Variants in ZHX2 observed in about 807,000 individuals in gnomAD.
ZHX2 encodes the protein zinc fingers and homeoboxes protein 2.
Under a neutral mutation model 21.9 loss-of-function variants are expected in ZHX2, and 6 were observed. That is an observed-to-expected ratio of 0.27 (90% CI 0.15 to 0.54). ZHX2 has a LOEUF of 0.54. ZHX2 is among the 20% of genes least tolerant of loss of function. The pLI, the probability that ZHX2 is intolerant of heterozygous loss-of-function variation, is 0.95. For missense variants in ZHX2, 908 were observed against 1,090.7 expected (o/e 0.83, Z 2.36); for synonymous variants, 434 against 437.1 (o/e 0.99, Z 0.09).
intron 2 of ZHX2, among the ~76,000 whole-genome samples, chr8:122,900,170 G>A (rs1308673569): frequency 6.6e-6 from 1 of 152,176 alleles, no homozygotes; most frequent in Non-Finnish European, 1.5e-5. Flanking sequence ...AGTATCTGAG[G>A]TTAGGTAATT....
intron 2 of ZHX2, among the ~76,000 whole-genome samples, chr8:122,910,860 G>T (rs4546668): frequency 0.36 from 54,672 of 151,920 alleles, 11,282 homozygotes; most frequent in South Asian, 0.53. Flanking sequence ...CACTTACGAA[G>T]CACAAATTCA....
chr8:122,964,496 T>C (rs1813530904), intron 3 of ZHX2, among the ~76,000 whole-genome samples: 1 of 152,210 alleles, frequency 6.6e-6, no homozygotes, highest in Admixed American at 6.5e-5. Context: ...TAAAACCCGC[T>C]TGATCATGGT....
Position 122,782,587 on chromosome 8 carries a change from G to A in ZHX2, c.-283+641G>A, listed in dbSNP as rs1428053108. Among the ~76,000 whole-genome samples the A allele has an allele frequency of 6.6e-6, 1 of 152,168 alleles. No homozygotes were observed. The highest frequency in any genetic ancestry group is 2.4e-5 in the African/African-American group (1 of 41,452). ...GGCAGGAAGCATGACGCCGTGGGCC[G>A]AGGCTGCCTCTGCTCTCGTCGCTCC... On this transcript the variant is annotated intron_variant, in intron 1 of 3. Transcript: ENST00000314393. This position sits in a 1 kb window ranked among gnomAD's most constrained non-coding sequence, Gnocchi z 5.3.
At chr8:122,886,531 G>A (rs1819846064) in intron 2 of ZHX2, among the ~76,000 whole-genome samples, 2 of 152,220 alleles carry the variant, frequency 1.3e-5, no homozygotes, top group Non-Finnish European at 2.9e-5. Context: ...ACCCCACCAT[G>A]CCGGATATTC....
At chr8:122,809,576 C>G (rs1817885478) in intron 1 of ZHX2, among the ~76,000 whole-genome samples, 1 of 152,104 alleles carries the variant, frequency 6.6e-6, no homozygotes, top group South Asian at 2.1e-4. Context: ...GGAAAGAAAA[C>G]TCACTTCTGC....
chr8:122,877,959 G>A (rs1819609715), intron 2 of ZHX2, among the ~76,000 whole-genome samples: 1 of 152,100 alleles, frequency 6.6e-6, no homozygotes, highest in Non-Finnish European at 1.5e-5. Flanking sequence ...AAAATAAATA[G>A]ATTGGAAGAG....
At chr8:122,902,507 A>C (rs189606680) in intron 2 of ZHX2, among the ~76,000 whole-genome samples, 11 of 152,368 alleles carry the variant, frequency 7.2e-5, no homozygotes, top group African/African-American at 2.4e-4. Context: ...ATTTATATAC[A>C]TAAGGACCTG....
At chr8:122,827,968 G>T (rs1321464735) in intron 1 of ZHX2, among the ~76,000 whole-genome samples, 1 of 152,142 alleles carries the variant, frequency 6.6e-6, no homozygotes, top group East Asian at 1.9e-4. Context: ...TTAAAAATTA[G>T]TTGGACATGT....
chr8:122,957,929 A>C (rs974205697), intron 3 of ZHX2, among the ~76,000 whole-genome samples: 4 of 152,268 alleles, frequency 2.6e-5, no homozygotes, highest in Admixed American at 1.3e-4. Context: ...CATGAACCAA[A>C]CACATGAGTC....
chr8:122,871,375 G>A (rs1009317869), intron 2 of ZHX2, among the ~76,000 whole-genome samples: 1 of 151,870 alleles, frequency 6.6e-6, no homozygotes, highest in South Asian at 2.1e-4. Context: ...CATGTCCTTT[G>A]TAGGGACATG....
In ZHX2 at chr8:122,782,133, G is replaced by T. The variant is rs957185050; in HGVS notation, c.-283+187G>T. On this transcript the variant is annotated intron_variant, in intron 1 of 3. Transcript: ENST00000314393. The surrounding 1 kb of genome is among the most constrained non-coding windows in gnomAD (Gnocchi z 5.3). ...TGGAAGGGGGGTACGGAAGGGGGGG[G>T]GTGTGCAGGCTCTTTTTGCGGGTGG... Among the ~76,000 whole-genome samples the T allele has an allele frequency of 2.7e-5, 4 of 149,212 alleles. No homozygotes were observed. The highest frequency in any genetic ancestry group is 6.7e-5 in the Admixed American group (1 of 15,036).
chr8:122,969,058 G>T (rs1223463156), intron 3 of ZHX2, among the ~76,000 whole-genome samples: 1 of 152,014 alleles, frequency 6.6e-6, no homozygotes, highest in Non-Finnish European at 1.5e-5. Flanking sequence ...CCATTCGGGA[G>T]GCTGAGGCAT....
chr8:122,872,575 T>C (rs755384202), intron 2 of ZHX2, among the ~76,000 whole-genome samples: 22 of 152,352 alleles, frequency 1.4e-4, no homozygotes, highest in Middle Eastern at 3.4e-3. Context: ...CTAAGTGCCC[T>C]GGCCTAACCC....
At chr8:122,842,377 G>A (rs527845747) in intron 1 of ZHX2, among the ~76,000 whole-genome samples, 19 of 152,294 alleles carry the variant, frequency 1.2e-4, no homozygotes, top group South Asian at 4.1e-4. Context: ...AAACTGAACC[G>A]CTAGTTCAGT....
chr8:122,905,391 A>C (rs1018459096), intron 2 of ZHX2, among the ~76,000 whole-genome samples: 1 of 152,194 alleles, frequency 6.6e-6, no homozygotes, highest in Non-Finnish European at 1.5e-5. Context: ...TTTTTTTAAA[A>C]ACTGTCAACC....
Position 122,951,352 on chromosome 8 carries a change from A to G in ZHX2, c.-159A>G. 1.5e-6 allele frequency: 1 copy of G among 652,384 alleles called. No individual in the cohort carries two copies. Among genetic ancestry groups the G allele is most frequent in the Non-Finnish European group, 2.6e-6 (1 of 386,090 alleles). 40.4% of individuals were successfully genotyped at this position (652,384 alleles called of 1,614,324 possible). On this transcript the variant is annotated 5_prime_UTR_variant, in exon 3 of 4. Coordinates refer to ENST00000314393, the MANE Select transcript of ZHX2 (RefSeq NM_014943.5). ...CATTCCAATTTTCTGTGCTGAAATC[A>G]TTCTGAAAACTCAAACAGTAGACTT... is the stretch of plus-strand genomic sequence containing the variant.
Position 122,954,053 on chromosome 8 carries a change from A to G in ZHX2, c.*4+25A>G, listed in dbSNP as rs1256899172. On this transcript the variant is annotated intron_variant, in intron 3 of 3. Transcript: ENST00000314393. ...GGTAATTCCACCTGCTCACCCAGGCAGCAGGGGAGAACGCAGCTTGCTTTC... is the reference window on the plus strand; with the variant it reads ...GGTAATTCCACCTGCTCACCCAGGCGGCAGGGGAGAACGCAGCTTGCTTTC... 8 of 1,547,038 alleles carry G rather than the reference A, an allele frequency of 5.2e-6. No homozygotes were observed. The East Asian group carries it at 1.1e-4, about 22-fold the overall frequency.
intron 1 of ZHX2, among the ~76,000 whole-genome samples, chr8:122,790,004 G>A (rs1162163809): frequency 2.6e-5 from 4 of 152,224 alleles, no homozygotes; most frequent in Non-Finnish European, 5.9e-5. Flanking sequence ...ACAGTTAATG[G>A]TAAACATTCC....
At chr8:122,899,474 G>A (rs1331852403) in intron 2 of ZHX2, among the ~76,000 whole-genome samples, 1 of 152,126 alleles carries the variant, frequency 6.6e-6, no homozygotes, top group African/African-American at 2.4e-5. Context: ...GGAGCCAAAC[G>A]GGATTGATTT....
Sources: allele counts gnomAD v4.1 joint callset (sites outside exome capture counted in the v4.1 genomes callset), GRCh38; gene constraint gnomAD v4.1.1; non-coding constraint Gnocchi (gnomAD v3.1); transcripts MANE v1.5; gene names NCBI Gene and HGNC (gene_info 2026-07-23, HGNC 2026-07-21).